Variants in KIF5C observed in about 807,000 individuals in gnomAD.
The protein encoded by KIF5C is kinesin heavy chain isoform 5C.
Under a neutral mutation model 125.2 loss-of-function variants are expected in KIF5C, and 18 were observed. The ratio of observed to expected loss-of-function variants is 0.14; its 90% CI spans 0.10 to 0.21. The LOEUF is 0.21. KIF5C is among the 10% of genes least tolerant of loss of function. The pLI is 1.00. For missense variants in KIF5C, 780 were observed against 1,183.8 expected (o/e 0.66, Z 5.01); for synonymous variants, 405 against 434.0 (o/e 0.93, Z 0.83).
chr2:148,875,575 G>GGGCCCCCCCCCCCCCCCGCCCC lies in KIF5C; in HGVS notation c.-43_-42insGGCCCCCCCCCCCCCCCGCCCC. On this transcript the variant is annotated 5_prime_UTR_variant, in exon 1 of 26. Coordinates refer to ENST00000435030, the MANE Select transcript of KIF5C (RefSeq NM_004522.3). Reference sequence around the variant, plus strand: ...TCCTCCCTCGTCGTTCCCGGCCCCGGCCCCCCACCCATCCCCGTGCCCCCT... The same window carrying GGGCCCCCCCCCCCCCCCGCCCC: ...TCCTCCCTCGTCGTTCCCGGCCCCGGGGCCCCCCCCCCCCCCCGCCCCCCCCCCACCCATCCCCGTGCCCCCT... The GGGCCCCCCCCCCCCCCCGCCCC allele has an allele frequency of 1.4e-6, 1 of 699,606 alleles. No individual in the cohort carries two copies. The highest frequency in any genetic ancestry group is 2.6e-6 in the Non-Finnish European group (1 of 389,230). 43.3% of individuals were successfully genotyped at this position (699,606 alleles called of 1,614,324 possible). A position where few individuals can be genotyped will look rare whatever the true frequency, so the allele number is the denominator to read the frequency against.
chr2:149,021,405 T>G (rs180966483), intron 25 of KIF5C, among the ~76,000 whole-genome samples: 8 of 145,114 alleles, frequency 5.5e-5, no homozygotes, highest in Non-Finnish European at 1.0e-4. Flanking sequence ...GTTGTTCTGT[T>G]TTTTTTTTTC....
chr2:148,987,571 A>G (rs935915105), intron 15 of KIF5C, among the ~76,000 whole-genome samples: 2 of 152,086 alleles, frequency 1.3e-5, no homozygotes, highest in Non-Finnish European at 2.9e-5. Context: ...TTGGCGAGGG[A>G]GGGTGTATGA....
intron 15 of KIF5C, among the ~76,000 whole-genome samples, chr2:148,985,721 G>C (rs1388752420): frequency 1.3e-5 from 2 of 152,186 alleles, no homozygotes; most frequent in Non-Finnish European, 2.9e-5. Flanking sequence ...CTCAGGTCGT[G>C]AGCTGGGATT....
chr2:148,892,986 G>A (rs1681748676), intron 1 of KIF5C, among the ~76,000 whole-genome samples: 1 of 151,632 alleles, frequency 6.6e-6, no homozygotes, highest in Admixed American at 6.6e-5. Context: ...TTATCTTATT[G>A]CATTGGATTG....
chr2:148,987,463 C>T (rs1681410018), intron 15 of KIF5C, among the ~76,000 whole-genome samples: 2 of 152,096 alleles, frequency 1.3e-5, no homozygotes, highest in South Asian at 4.2e-4. Flanking sequence ...AAGAGAGGGG[C>T]AGGGGCAGGC....
intron 12 of KIF5C, among the ~76,000 whole-genome samples, chr2:148,977,658 G>C (rs904028099): frequency 1.1e-4 from 16 of 152,214 alleles, no homozygotes; most frequent in African/African-American, 3.9e-4. Context: ...AAAGGGTTCA[G>C]TAGAAACAGG....
intron 1 of KIF5C, among the ~76,000 whole-genome samples, chr2:148,914,067 G>A (rs1681449015): frequency 6.6e-6 from 1 of 152,200 alleles, no homozygotes. Flanking sequence ...TCATTATTGT[G>A]ATAGCTTGTT....
At chr2:148,998,079 A>G (rs1681732085) in intron 18 of KIF5C, 4 of 362,308 alleles carry the variant, frequency 1.1e-5, no homozygotes, top group Admixed American at 3.7e-5. Context: ...GGTTACGTGG[A>G]TAGGGAGAGG....
intron 1 of KIF5C, among the ~76,000 whole-genome samples, chr2:148,915,862 G>A (rs1042911742): frequency 2.6e-5 from 4 of 152,184 alleles, no homozygotes; most frequent in African/African-American, 9.7e-5. Flanking sequence ...CATCCCACTG[G>A]GGAGGTCTGG....
rs932178364 is a variant in KIF5C at position 148,950,172 on chromosome 2, C to T, written c.820-142C>T. On this transcript the variant is annotated intron_variant, in intron 9 of 25. Coordinates refer to ENST00000435030, the MANE Select transcript of KIF5C (RefSeq NM_004522.3). ...TAGGTCAAAGAATGGGCATTCTAAA[C>T]TTTGGCAAGATCCAAAGACCCAGCC... 22 of 1,410,178 alleles carry T rather than the reference C, an allele frequency of 1.6e-5. No homozygotes were observed. The African/African-American group carries it at 2.6e-4, about 17-fold the overall frequency. The allele number at this position is 1,410,178 out of a possible 1,614,324, so 87.4% of individuals were successfully genotyped here.
intron 1 of KIF5C, among the ~76,000 whole-genome samples, chr2:148,882,115 C>T (rs1229270052): frequency 2.0e-5 from 3 of 152,192 alleles, no homozygotes; most frequent in Admixed American, 6.5e-5. Context: ...ATGGAGAACT[C>T]GGGAGAAAAC....
chr2:148,877,504 T>C (rs1574680278), intron 1 of KIF5C, among the ~76,000 whole-genome samples: 1 of 152,366 alleles, frequency 6.6e-6, no homozygotes, highest in East Asian at 1.9e-4. Context: ...GTGACTTATT[T>C]GGTTTACAGC....
chr2:148,905,097 G>A lies in KIF5C; in HGVS notation c.127-17040G>A, dbSNP rs535064191. On this transcript the variant is annotated intron_variant, in intron 1 of 25. Transcript: ENST00000435030. ...TGTTTTCATTGTATCTCTTTTTATT[G>A]CCTTCTGTTTATAGCATGTAATACT... Among the ~76,000 whole-genome samples the A allele has an allele frequency of 4.1e-4, 62 of 152,148 alleles. No homozygotes were observed. In the South Asian group the frequency reaches 4.6e-3, roughly 11 times the overall value.
chr2:148,944,942 A>G (rs995446574), intron 7 of KIF5C, among the ~76,000 whole-genome samples: 1 of 152,084 alleles, frequency 6.6e-6, no homozygotes, highest in Non-Finnish European at 1.5e-5. Context: ...GGCCATTTGT[A>G]TATCTTCTTT....
Position 148,941,932 on chromosome 2 carries a change from T to G in KIF5C, c.446-3T>G, listed in dbSNP as rs1558908077. 6.2e-7 allele frequency: 1 copy of G among 1,611,016 alleles called. No homozygotes were observed. Among genetic ancestry groups the G allele is most frequent in the Non-Finnish European group, 8.5e-7 (1 of 1,179,354 alleles). On this transcript the variant is annotated splice_region_variant and splice_polypyrimidine_tract_variant and intron_variant, in intron 5 of 25. Coordinates refer to ENST00000435030, the MANE Select transcript of KIF5C (RefSeq NM_004522.3). ...TTGCCTGCTGTCATTCTCATCTTTT[T>G]AGTATCCAAGACCAACTTGGCTGTT...
At chr2:148,908,105 T>C (rs1440996798) in intron 1 of KIF5C, among the ~76,000 whole-genome samples, 1 of 152,272 alleles carries the variant, frequency 6.6e-6, no homozygotes, top group South Asian at 2.1e-4. Context: ...GTGGAATTAA[T>C]CTGGAAAAGG....
intron 1 of KIF5C, among the ~76,000 whole-genome samples, chr2:148,919,070 A>T (rs746377780): frequency 5.9e-5 from 9 of 152,190 alleles, no homozygotes; most frequent in Non-Finnish European, 8.8e-5. Flanking sequence ...GGAGGGCTTG[A>T]TGGCTCTTTT....
chr2:148,892,225 A>G (rs1296345781), intron 1 of KIF5C, among the ~76,000 whole-genome samples: 1 of 152,224 alleles, frequency 6.6e-6, no homozygotes, highest in Non-Finnish European at 1.5e-5. Context: ...GTTTGAGTGC[A>G]CAGCATTTTC....
At chr2:148,891,429 A>C (rs952953966) in intron 1 of KIF5C, among the ~76,000 whole-genome samples, 1 of 152,016 alleles carries the variant, frequency 6.6e-6, no homozygotes, top group Non-Finnish European at 1.5e-5. Context: ...ACGTCACCTC[A>C]AACCAGACAC....
Sources: gnomAD v4.1 joint callset for allele counts (sites outside exome capture counted in the v4.1 genomes callset) on GRCh38, gnomAD v4.1.1 for gene constraint, MANE v1.5 for transcripts, NCBI Gene and HGNC (gene_info 2026-07-23, HGNC 2026-07-21) for gene names.